Variants in KDM4C observed in about 807,000 individuals in gnomAD.
The protein encoded by KDM4C is lysine demethylase 4C.
Under a neutral mutation model 129.3 loss-of-function variants are expected in KDM4C, and 81 were observed. The observed-to-expected ratio is 0.63, with a 90% CI of 0.52 to 0.75. The LOEUF is 0.75. KDM4C is among the 30% of genes least tolerant of loss of function. The probability of loss-of-function intolerance (pLI) is 0.00; values close to 1 mark genes in which losing one functional copy is unlikely to be tolerated. For missense variants in KDM4C, 1,457 were observed against 1,304.0 expected (o/e 1.12, Z -1.81); for synonymous variants, 573 against 456.1 (o/e 1.26, Z -3.26).
intron 12 of KDM4C, among the ~76,000 whole-genome samples, chr9:6,999,752 C>T (rs892082300): frequency 4.6e-4 from 3 of 6,498 alleles, no homozygotes; most frequent in East Asian, 4.8e-3. Flanking sequence ...AGGCAGGCTG[C>T]GACTTGGCTT....
At chr9:6,850,157 C>T (rs1184421312) in intron 5 of KDM4C, among the ~76,000 whole-genome samples, 1 of 152,144 alleles carries the variant, frequency 6.6e-6, no homozygotes, top group African/African-American at 2.4e-5. Context: ...TTGTGTAAGT[C>T]CACTCCATGA....
intron 8 of KDM4C, among the ~76,000 whole-genome samples, chr9:6,976,592 T>G (rs1325203745): frequency 6.6e-6 from 1 of 152,220 alleles, no homozygotes; most frequent in African/African-American, 2.4e-5. Context: ...TCGCTTTGTG[T>G]TGGATAGAAT....
intron 4 of KDM4C, among the ~76,000 whole-genome samples, chr9:6,838,798 A>G (rs1836361858): frequency 6.6e-6 from 1 of 152,242 alleles, no homozygotes; most frequent in Non-Finnish European, 1.5e-5. Flanking sequence ...CATGTCAAAC[A>G]TTATGATTAA....
intron 18 of KDM4C, among the ~76,000 whole-genome samples, chr9:7,115,208 A>G (rs1404045171): frequency 3.3e-5 from 5 of 152,190 alleles, no homozygotes; most frequent in Non-Finnish European, 5.9e-5. Context: ...TTATTTGGTT[A>G]TTTATTTATT....
chr9:6,798,522 C>A (rs1250521777), intron 2 of KDM4C, among the ~76,000 whole-genome samples: 1 of 152,060 alleles, frequency 6.6e-6, no homozygotes, highest in Non-Finnish European at 1.5e-5. Context: ...CCTGAGTGGA[C>A]ACAGCACATG....
In KDM4C at chr9:6,862,731, C is replaced by T. The variant is rs542895822; in HGVS notation, c.629+13031C>T. Among the ~76,000 whole-genome samples, 71 of 152,058 alleles carry T rather than the reference C, an allele frequency of 4.7e-4. 1 individual carries two copies. In the South Asian group the frequency reaches 8.5e-3, roughly 18 times the overall value. On this transcript the variant is annotated intron_variant, in intron 5 of 21. Transcript: ENST00000381309. ...CTGAGGTGGGAGAATTGCTTGATCC[C>T]GGGAGGAGGAGGATGCAGTGAGCCG...
intron 2 of KDM4C, among the ~76,000 whole-genome samples, chr9:6,804,734 A>G (rs1199621612): frequency 1.4e-4 from 21 of 149,956 alleles, no homozygotes; most frequent in Middle Eastern, 3.4e-3. Flanking sequence ...TCCCCAGCCG[A>G]GTAACAGAGT....
Position 7,174,733 on chromosome 9 carries a change from G to T in KDM4C, c.*4G>T. The T allele has an allele frequency of 6.2e-7, 1 of 1,612,758 alleles. No homozygotes were observed. Among genetic ancestry groups the T allele is most frequent in the Non-Finnish European group, 8.5e-7 (1 of 1,178,852 alleles). On this transcript the variant is annotated 3_prime_UTR_variant, in exon 22 of 22. Coordinates refer to ENST00000381309, the MANE Select transcript of KDM4C (RefSeq NM_015061.6). ...GAAGTGCCAGAAGAGACAGTAGTCT[G>T]CATACATCGCTGCAGGCCACAGAGC... is the stretch of plus-strand genomic sequence containing the variant.
chr9:6,959,973 C>G (rs1049814831), intron 8 of KDM4C, among the ~76,000 whole-genome samples: 3 of 151,924 alleles, frequency 2.0e-5, no homozygotes, highest in Non-Finnish European at 2.9e-5. Context: ...AACTGTGTAG[C>G]CCGTATGAAA....
intron 1 of KDM4C, among the ~76,000 whole-genome samples, chr9:6,772,846 C>A (rs1413065133): frequency 6.7e-6 from 1 of 149,662 alleles, no homozygotes; most frequent in Non-Finnish European, 1.5e-5. Flanking sequence ...GTGCGTGCCA[C>A]CCCCATGCCT....
At chr9:6,876,770 G>A (rs1843624388) in intron 5 of KDM4C, among the ~76,000 whole-genome samples, 1 of 152,132 alleles carries the variant, frequency 6.6e-6, no homozygotes, top group African/African-American at 2.4e-5. Context: ...TTACAGGCAA[G>A]GGCTGTCTGT....
intron 8 of KDM4C, among the ~76,000 whole-genome samples, chr9:6,897,260 G>C (rs1364142572): frequency 1.3e-5 from 2 of 152,180 alleles, no homozygotes; most frequent in Admixed American, 6.5e-5. Context: ...GCAGAGGAGA[G>C]AGTGAAGGGA....
intron 17 of KDM4C, among the ~76,000 whole-genome samples, chr9:7,091,510 C>T (rs945743707): frequency 1.5e-4 from 23 of 152,058 alleles, no homozygotes; most frequent in African/African-American, 5.1e-4. Context: ...TATATTTGGG[C>T]ACAGATGTCT....
chr9:6,912,696 T>C (rs1310999374), intron 8 of KDM4C, among the ~76,000 whole-genome samples: 1 of 152,212 alleles, frequency 6.6e-6, no homozygotes, highest in African/African-American at 2.4e-5. Context: ...CATTTCTGCT[T>C]AGAAATGTTT....
chr9:6,931,985 A>T (rs1164780645), intron 8 of KDM4C, among the ~76,000 whole-genome samples: 1 of 152,224 alleles, frequency 6.6e-6, no homozygotes, highest in African/African-American at 2.4e-5. Flanking sequence ...GGGTAAAGAG[A>T]GGAGTGAGGA....
intron 1 of KDM4C, among the ~76,000 whole-genome samples, chr9:6,760,773 T>G (rs1168630695): frequency 6.6e-6 from 1 of 151,184 alleles, no homozygotes; most frequent in Non-Finnish European, 1.5e-5. Context: ...GGGGTTTCAC[T>G]GTGTTAGCCA....
intron 8 of KDM4C, among the ~76,000 whole-genome samples, chr9:6,951,926 AT>A (rs912387279): frequency 2.0e-5 from 3 of 151,646 alleles, no homozygotes; most frequent in Admixed American, 6.6e-5. Flanking sequence ...TAAGTTTTAA[AT>A]TTTTTTTTCT....
At chr9:7,162,064 T>C (rs1487245057) in intron 19 of KDM4C, among the ~76,000 whole-genome samples, 4 of 152,244 alleles carry the variant, frequency 2.6e-5, no homozygotes, top group Non-Finnish European at 5.9e-5. Flanking sequence ...AATAAAGTTA[T>C]ATGCTAATCA....
chr9:6,868,245 C>T (rs897574964), intron 5 of KDM4C, among the ~76,000 whole-genome samples: 2 of 151,626 alleles, frequency 1.3e-5, no homozygotes, highest in Admixed American at 6.6e-5. Flanking sequence ...CCTGACAGAA[C>T]GTTTAGGTGA....
Sources: gnomAD v4.1 joint callset for allele counts (sites outside exome capture counted in the v4.1 genomes callset) on GRCh38, gnomAD v4.1.1 for gene constraint, MANE v1.5 for transcripts, NCBI Gene and HGNC (gene_info 2026-07-23, HGNC 2026-07-21) for gene names.